The following ABCC12 variants were observed in gnomAD, a reference collection of about 807,000 sequenced individuals.
ABCC12 encodes ATP-binding cassette sub-family C member 12.
A neutral mutation model predicts 151.1 loss-of-function variants in ABCC12; 142 were observed. That is an observed-to-expected ratio of 0.94 (90% CI 0.82 to 1.08). The LOEUF is 1.08. ABCC12 is among the 50% of genes least tolerant of loss of function. The pLI, the probability that ABCC12 is intolerant of heterozygous loss-of-function variation, is 0.00. For synonymous variants in ABCC12, 645 were observed against 646.4 expected, an observed-to-expected ratio of 1.00 and a Z score of 0.03; for missense variants, 1,638 against 1,691.1, an observed-to-expected ratio of 0.97 and a Z score of 0.55.
At chr16:48,086,904 G>GTCCC in intron 27 of ABCC12, 85 bp from the exon 28 acceptor site, 1 of 1,144,020 alleles carries the variant, frequency 8.7e-7, no homozygotes, top group Non-Finnish European at 1.3e-6. Context: ...GTAGCATGTG[G>GTCCC]AGGAGGGTAG....
intron 3 of ABCC12, among the ~76,000 whole-genome samples, chr16:48,144,882 A>G (rs1964946172): frequency 6.6e-6 from 1 of 152,164 alleles, no homozygotes; most frequent in South Asian, 2.1e-4. Flanking sequence ...ATTCCTCACA[A>G]CAACTCAGTA....
chr16:48,107,328 G>A lies in ABCC12; in HGVS notation c.2469C>T (p.Gly823=), dbSNP rs772607660. Residue 823 remains glycine (G), a synonymous_variant, in exon 20 of 31, where the codon GGC becomes GGT. Transcript: ENST00000311303. ...ATGCCAAAGGGAAACTCACCCGTGA[G>A]CCCTTGTCCAACCAGAGACCCAGCC... is the stretch of plus-strand genomic sequence containing the variant. ...NWWLGLWLDK[G]SRMTCGPQGN... 1.9e-6 allele frequency: 3 copies of A among 1,614,042 alleles called. No homozygotes were observed. The highest frequency in any genetic ancestry group is 1.1e-5 in the South Asian group (1 of 91,086).
rs756435085 is a variant in ABCC12, at chr16:48,083,075, C to T, written c.*640G>A. ...AGGGTAATTTCCTACCGCGTTTTAA[C>T]GACGAATAAAGAAGATATAAAAGTG... is the stretch of plus-strand genomic sequence containing the variant. On this transcript the variant is annotated 3_prime_UTR_variant, in exon 31 of 31. Transcript: ENST00000311303. 14 of 152,168 alleles carry T rather than the reference C, an allele frequency of 9.2e-5. No individual in the cohort carries two copies. Among genetic ancestry groups the T allele is most frequent in the South Asian group, 8.3e-4 (4 of 4,824 alleles). 9.4% of individuals were successfully genotyped at this position (152,168 alleles called of 1,614,324 possible).
rs138255381 is a variant in ABCC12 at position 48,088,619 on chromosome 16, G to C, written c.3401C>G (p.Pro1134Arg). ...DYQMRYRDNTPLVLDSLNLNI... is the reference protein window; with the variant it reads ...DYQMRYRDNTRLVLDSLNLNI... ...CAAGTTCAGGCTGTCGAGAACAAGG[G>C]GGGTGTTGTCTCTGTATCTCATCTG... The change falls in exon 26 of 31, where the codon CCC becomes CGC. Residue 1134 changes from proline (P) to arginine (R), a missense_variant. By Grantham distance (103) the Pro-to-Arg change is moderately radical. Transcript: ENST00000311303. 310 of 1,614,084 alleles carry C rather than the reference G, an allele frequency of 1.9e-4. 2 individuals are homozygous for C. The highest frequency in any genetic ancestry group is 8.9e-5 in the East Asian group (4 of 44,888).
intron 7 of ABCC12, among the ~76,000 whole-genome samples, chr16:48,138,823 C>T (rs1243315426): frequency 6.6e-6 from 1 of 151,778 alleles, no homozygotes; most frequent in Admixed American, 6.6e-5. Flanking sequence ...TTTTAACTAG[C>T]CAGGTACAGT....
Position 48,115,414 on chromosome 16 carries a change from C to T in ABCC12, c.1989+1G>A, listed in dbSNP as rs1445054910. 3 of 1,613,848 alleles carry T rather than the reference C, an allele frequency of 1.9e-6. No individual in the cohort carries two copies. The highest frequency in any genetic ancestry group is 3.3e-5 in the Admixed American group (2 of 59,994). On this transcript the variant is annotated splice_donor_variant, in intron 15 of 30. Coordinates refer to ENST00000311303, the MANE Select transcript of ABCC12 (RefSeq NM_001393797.1). LOFTEE classifies it high-confidence loss of function. The stretch of plus-strand genomic sequence containing the variant: ...CTCCTGGATCCTGCATGTCCCATCA[C>T]CTGTAGCTGGTGGGTCACCAGGACG...
chr16:48,119,084 G>A (rs1004923076), intron 13 of ABCC12, among the ~76,000 whole-genome samples: 1 of 152,110 alleles, frequency 6.6e-6, no homozygotes, highest in Non-Finnish European at 1.5e-5. Context: ...CCACCCTCCT[G>A]CTTCCTATGG....
chr16:48,155,113 G>A (rs892058528), intron 1 of ABCC12, among the ~76,000 whole-genome samples: 2 of 152,210 alleles, frequency 1.3e-5, no homozygotes, highest in East Asian at 1.9e-4. Context: ...GGGGTTGGGA[G>A]GCAGGGAGAG....
chr16:48,087,910 G>T lies in ABCC12; in HGVS notation c.3635+16C>A. 1.9e-6 allele frequency: 3 copies of T among 1,603,370 alleles called. No individual in the cohort carries two copies. Among genetic ancestry groups the T allele is most frequent in the South Asian group, 2.2e-5 (2 of 90,288 alleles). On this transcript the variant is annotated intron_variant, in intron 27 of 30. Coordinates refer to ENST00000311303, the MANE Select transcript of ABCC12 (RefSeq NM_001393797.1). ...CTCTCCAAAAATAGAAATGCACAAT[G>T]ATTAAAAACAGCTACCTTACTGTAC...
At chr16:48,107,497 C>T (rs1056113756) in intron 19 of ABCC12, 72 bp from the exon 20 acceptor site, 12 of 1,335,554 alleles carry the variant, frequency 9.0e-6, no homozygotes, top group East Asian at 2.3e-5. Context: ...TTCCTCAGGA[C>T]CCAACCCTGA....
chr16:48,132,163 G>A (rs1964448910), intron 9 of ABCC12, among the ~76,000 whole-genome samples: 1 of 152,196 alleles, frequency 6.6e-6, no homozygotes, highest in African/African-American at 2.4e-5. Flanking sequence ...GAAAAAAATA[G>A]TTTTCTTTTT....
In ABCC12 at chr16:48,085,706, T is replaced by C. The variant is rs748159852; in HGVS notation, c.3715A>G (p.Ile1239Val). The part of the protein sequence containing the change: ...VLERTFMRDT[I>V]MKLPEKLQAE... Reference sequence around the variant, plus strand: ...TGTAATTTTTCTGGGAGTTTCATTATCTACAAAACACAAAAAATGCCACAT... The same window carrying C: ...TGTAATTTTTCTGGGAGTTTCATTACCTACAAAACACAAAAAATGCCACAT... Residue 1239 changes from isoleucine (I) to valine (V), a missense_variant and splice_region_variant, in exon 29 of 31, where the codon ATA (isoleucine) becomes GTA (valine). Transcript: ENST00000311303. 9 of 1,611,868 alleles carry C rather than the reference T, an allele frequency of 5.6e-6. No homozygotes were observed. Among genetic ancestry groups the C allele is most frequent in the Non-Finnish European group, 5.1e-6 (6 of 1,178,078 alleles).
At chr16:48,145,002 G>T (rs1964950381) in intron 3 of ABCC12, among the ~76,000 whole-genome samples, 1 of 152,122 alleles carries the variant, frequency 6.6e-6, no homozygotes, top group South Asian at 2.1e-4. Context: ...TGGTGAGATG[G>T]GAATTCAAAC....
rs1391209453 is a variant in ABCC12 at position 48,101,027 on chromosome 16, G to A, written c.2901-18C>T. 1 of 1,612,206 alleles carries A rather than the reference G, an allele frequency of 6.2e-7. No homozygotes were observed. The highest frequency in any genetic ancestry group is 1.7e-4 in the Middle Eastern group (1 of 6,048). ...GGAAAATGCTGGAAGAAAATTGAAAGGGGCCAGGTGGGCCACAAAGTGAGG... is the reference window on the plus strand; with the variant it reads ...GGAAAATGCTGGAAGAAAATTGAAAAGGGCCAGGTGGGCCACAAAGTGAGG... On this transcript the variant is annotated intron_variant, in intron 22 of 30. Transcript: ENST00000311303.
At chr16:48,131,711 T>A (rs763260258) in intron 9 of ABCC12, among the ~76,000 whole-genome samples, 7 of 152,216 alleles carry the variant, frequency 4.6e-5, no homozygotes, top group Non-Finnish European at 1.0e-4. Context: ...TTTAAGAAAT[T>A]AATAATACAA....
In ABCC12 at chr16:48,124,203, C is replaced by T; in HGVS notation, c.1587+10G>A. Reference sequence around the variant, plus strand: ...TGTTCCATCTTCACAGCACTCATCACACAGCTTACCTGTCCTAGGAGAGCT... The same window carrying T: ...TGTTCCATCTTCACAGCACTCATCATACAGCTTACCTGTCCTAGGAGAGCT... On this transcript the variant is annotated intron_variant, in intron 12 of 30. Transcript: ENST00000311303. 2 of 1,613,490 alleles carry T rather than the reference C, an allele frequency of 1.2e-6. No homozygotes were observed. The highest frequency in any genetic ancestry group is 1.3e-5 in the African/African-American group (1 of 75,042).
At chr16:48,133,599 A>C (rs996756132) in intron 9 of ABCC12, 88 bp downstream of exon 9, 20 of 1,476,574 alleles carry the variant, frequency 1.4e-5, no homozygotes, top group Non-Finnish European at 1.7e-5. Flanking sequence ...TCCTAATGCC[A>C]GTATTGAGCG....
intron 22 of ABCC12, 138 bp downstream of exon 22, chr16:48,104,004 C>G (rs1963394059): frequency 1.1e-6 from 1 of 876,020 alleles, no homozygotes; most frequent in African/African-American, 1.7e-5. Context: ...ATGCAAAGCA[C>G]CTGGCATTTA....
At position 48,115,591 on chromosome 16, in the gene ABCC12, C is replaced by A. The variant is rs777274538; in HGVS notation, c.1813G>T (p.Gly605Trp). The A allele has an allele frequency of 1.1e-5, 17 of 1,613,888 alleles. No individual in the cohort carries two copies. The highest frequency in any genetic ancestry group is 9.9e-5 in the South Asian group (9 of 91,078). Residue 605 changes from glycine (G) to tryptophan (W), a missense_variant, in exon 15 of 31, where the codon GGG becomes TGG. Coordinates refer to ENST00000311303, the MANE Select transcript of ABCC12 (RefSeq NM_001393797.1). ...AGGCTAATCCTCTGCCTCTGCCCCCCAGAGAGGTTGAGGCCCCGCTCCCCA... is the reference window on the plus strand; with the variant it reads ...AGGCTAATCCTCTGCCTCTGCCCCCAAGAGAGGTTGAGGCCCCGCTCCCCA... ...EIGERGLNLS[G>W]GQRQRISLAR... is the part of the protein sequence containing the mutation.
Sources: allele counts gnomAD v4.1 joint callset (sites outside exome capture counted in the v4.1 genomes callset), GRCh38; gene constraint gnomAD v4.1.1; transcripts MANE v1.5; gene names NCBI Gene and HGNC (gene_info 2026-07-23, HGNC 2026-07-21).